TRANK1: variants seen among roughly 807,000 people sequenced by gnomAD.
TRANK1 encodes the protein tetratricopeptide repeat and ankyrin repeat containing 1.
Under a neutral mutation model 266.0 loss-of-function variants are expected in TRANK1, and 198 were observed. The ratio of observed to expected loss-of-function variants is 0.74; its 90% CI spans 0.66 to 0.84. The LOEUF (loss-of-function observed/expected upper bound fraction) is 0.84, where lower values mean the gene tolerates loss of function less well. Ranked by LOEUF, TRANK1 falls within the 40% of genes least tolerant of loss-of-function variation. The pLI is 0.00. For synonymous variants in TRANK1, 1,396 were observed against 1,384.1 expected (o/e 1.01, Z -0.19); for missense variants, 3,326 against 3,634.6 (o/e 0.92, Z 2.18).
intron 8 of TRANK1, among the ~76,000 whole-genome samples, chr3:36,878,526 T>C (rs1476072805): frequency 6.6e-6 from 1 of 152,130 alleles, no homozygotes; most frequent in Non-Finnish European, 1.5e-5. Context: ...GATTTCAACT[T>C]ACATGTTCTT....
Position 36,827,110 on chromosome 3 carries a change from G to GA in TRANK1, c.*1164dup, listed in dbSNP as rs753903641. The GA allele has an allele frequency of 2.6e-5, 4 of 151,930 alleles. No homozygotes were observed. The highest frequency in any genetic ancestry group is 5.9e-5 in the Non-Finnish European group (4 of 68,002). The allele number at this position is 151,930 out of a possible 1,614,324, so 9.4% of individuals were successfully genotyped here. ...TGCACCTTGCTTTCCATACCAGGCT[G>GA]AGCTGAGGGGTGGGGTAAGGGTGGG... is the stretch of plus-strand genomic sequence containing the variant. On this transcript the variant is annotated 3_prime_UTR_variant, in exon 24 of 24. Transcript: ENST00000645898.
rs1031210434 is a variant in TRANK1 at position 36,838,247 on chromosome 3, G to T, written c.5517+125C>A. 1.1e-5 allele frequency: 15 copies of T among 1,422,532 alleles called. No individual in the cohort carries two copies. In the African/African-American group the frequency reaches 1.4e-4, roughly 14 times the overall value. 88.1% of individuals were successfully genotyped at this position (1,422,532 alleles called of 1,614,324 possible). On this transcript the variant is annotated intron_variant, in intron 20 of 23. Transcript: ENST00000645898. ...AGTAGGCTTCCCTTAGAGTCGCAGG[G>T]CCAGTGTCTCCCTCCTTGGAAGACT...
At chr3:36,922,648 C>T (rs1483540914) in intron 1 of TRANK1, among the ~76,000 whole-genome samples, 2 of 151,534 alleles carry the variant, frequency 1.3e-5, no homozygotes, top group East Asian at 3.9e-4. Context: ...TGGTGGCACA[C>T]ACCTGTAGTC....
intron 18 of TRANK1, among the ~76,000 whole-genome samples, chr3:36,841,857 T>C (rs2078848392): frequency 6.6e-6 from 1 of 151,438 alleles, no homozygotes; most frequent in Non-Finnish European, 1.5e-5. Flanking sequence ...TTTGTTGAAC[T>C]GCAGAACCAA....
chr3:36,868,647 C>G (rs1214114981), intron 9 of TRANK1, among the ~76,000 whole-genome samples: 1 of 152,050 alleles, frequency 6.6e-6, no homozygotes, highest in Non-Finnish European at 1.5e-5. Flanking sequence ...ATGACCAAAT[C>G]ACAAACACAT....
chr3:36,890,266 T>C (rs1277647313), intron 7 of TRANK1, among the ~76,000 whole-genome samples: 3 of 152,110 alleles, frequency 2.0e-5, no homozygotes, highest in African/African-American at 7.2e-5. Flanking sequence ...GAGCAAGAGA[T>C]AGCATGAGAG....
rs1257504755 is a variant in TRANK1, at chr3:36,827,748, G to A, written c.*527C>T. 1 of 152,744 alleles carries A rather than the reference G, an allele frequency of 6.5e-6. No homozygotes were observed. Among genetic ancestry groups the A allele is most frequent in the Non-Finnish European group, 1.5e-5 (1 of 68,254 alleles). The allele number at this position is 152,744 out of a possible 1,614,324, so 9.5% of individuals were successfully genotyped here. On this transcript the variant is annotated 3_prime_UTR_variant, in exon 24 of 24. Coordinates refer to ENST00000645898, the MANE Select transcript of TRANK1 (RefSeq NM_001329998.2). ...AAGCTACACTACAAGTGGGCTCAGA[G>A]ATGACCAGAATGCGTCCTGGGCTCG...
intron 1 of TRANK1, among the ~76,000 whole-genome samples, chr3:36,914,257 C>A (rs1439617815): frequency 6.6e-6 from 1 of 151,898 alleles, no homozygotes; most frequent in Non-Finnish European, 1.5e-5. Context: ...CCTCAGCCTC[C>A]TAAGTAGCTG....
chr3:36,866,481 G>C (rs2079229616), intron 9 of TRANK1, among the ~76,000 whole-genome samples: 1 of 152,186 alleles, frequency 6.6e-6, no homozygotes, highest in African/African-American at 2.4e-5. Flanking sequence ...GTAAGGGTGA[G>C]AGGGGAAGCC....
intron 10 of TRANK1, among the ~76,000 whole-genome samples, chr3:36,863,644 C>T (rs2079174239): frequency 6.6e-6 from 1 of 152,160 alleles, no homozygotes; most frequent in Admixed American, 6.5e-5. Context: ...AGTTCCCTAC[C>T]CAAGGCAAGG....
intron 15 of TRANK1, among the ~76,000 whole-genome samples, chr3:36,849,706 T>C (rs1280386080): frequency 6.6e-6 from 1 of 152,216 alleles, no homozygotes; most frequent in Non-Finnish European, 1.5e-5. Context: ...GCTGGGGATA[T>C]ATGGGACCTG....
intron 1 of TRANK1, among the ~76,000 whole-genome samples, chr3:36,916,949 G>A (rs892870820): frequency 1.3e-5 from 2 of 151,936 alleles, no homozygotes. Flanking sequence ...CCAGGTAGCT[G>A]GGATTACAGA....
At chr3:36,849,088 G>A (rs1048798894) in intron 15 of TRANK1, among the ~76,000 whole-genome samples, 3 of 152,140 alleles carry the variant, frequency 2.0e-5, no homozygotes, top group Admixed American at 1.3e-4. Flanking sequence ...AAGTCTTCCA[G>A]TTTCTTTTCT....
chr3:36,891,417 CA>C (rs1483027660), intron 7 of TRANK1, among the ~76,000 whole-genome samples: 1 of 152,080 alleles, frequency 6.6e-6, no homozygotes, highest in African/African-American at 2.4e-5. Context: ...AAAGCAAAGA[CA>C]GGGGTCCCAG....
chr3:36,878,668 G>A (rs1258143877), intron 8 of TRANK1, among the ~76,000 whole-genome samples: 1 of 151,336 alleles, frequency 6.6e-6, no homozygotes, highest in Non-Finnish European at 1.5e-5. Context: ...GGTACTATAC[G>A]TATTACCCAG....
chr3:36,920,686 A>G (rs943251004), intron 1 of TRANK1, among the ~76,000 whole-genome samples: 1 of 152,162 alleles, frequency 6.6e-6, no homozygotes, highest in Non-Finnish European at 1.5e-5. Flanking sequence ...CTTCCGGCGT[A>G]AGGATGAAAT....
At chr3:36,908,646 A>G (rs1218083631) in intron 1 of TRANK1, 192 bp from the exon 2 acceptor site, 1 of 1,224,066 alleles carries the variant, frequency 8.2e-7, no homozygotes, top group Non-Finnish European at 1.0e-6. Context: ...TTTCTTTGTC[A>G]GTTCTTTTCT....
intron 8 of TRANK1, among the ~76,000 whole-genome samples, chr3:36,889,597 C>T (rs1432939269): frequency 6.6e-6 from 1 of 152,220 alleles, no homozygotes; most frequent in Non-Finnish European, 1.5e-5. Context: ...GAAGCCATTT[C>T]AAGGTGAAAG....
In TRANK1 at chr3:36,832,727, G is replaced by T. The variant is rs763545984; in HGVS notation, c.6856C>A (p.Pro2286Thr). Residue 2286 changes from proline to threonine, a missense_variant, in exon 22 of 24, where the codon CCC (proline) becomes ACC (threonine). Physicochemically the swap from Pro to Thr is conservative, Grantham distance 38. Transcript: ENST00000645898. Reference protein sequence around the residue: ...HFHQRVLSENPMACKEILKPN... With the variant: ...HFHQRVLSENTMACKEILKPN... ...TTGAGGATTTCTTTGCATGCCATGG[G>T]GTTTTCTGACAACACTCTCTGATGG... 1.2e-6 allele frequency: 2 copies of T among 1,613,984 alleles called. No homozygotes were observed. Among genetic ancestry groups the T allele is most frequent in the South Asian group, 2.2e-5 (2 of 91,082 alleles).
Sources: gnomAD v4.1 joint callset for allele counts (sites outside exome capture counted in the v4.1 genomes callset) on GRCh38, gnomAD v4.1.1 for gene constraint, MANE v1.5 for transcripts, NCBI Gene and HGNC (gene_info 2026-07-23, HGNC 2026-07-21) for gene names.